Variants in LAIR1 observed in about 807,000 individuals in gnomAD.
LAIR1 encodes the protein leukocyte associated immunoglobulin like receptor 1.
Under a neutral mutation model 32.8 loss-of-function variants are expected in LAIR1, and 24 were observed. That is an observed-to-expected ratio of 0.73 (90% CI 0.53 to 1.03). LAIR1 has a LOEUF of 1.03. LAIR1 is among the 50% of genes least tolerant of loss of function. The probability of loss-of-function intolerance (pLI) is 0.00; values close to 1 mark genes in which losing one functional copy is unlikely to be tolerated. For synonymous variants in LAIR1, 150 were observed against 140.5 expected, an observed-to-expected ratio of 1.07 and a Z score of -0.48; for missense variants, 355 against 347.5, an observed-to-expected ratio of 1.02 and a Z score of -0.17.
intron 2 of LAIR1, among the ~76,000 whole-genome samples, chr19:54,363,737 T>C (rs1485725108): frequency 6.6e-6 from 1 of 152,160 alleles, no homozygotes; most frequent in Non-Finnish European, 1.5e-5. Context: ...ATCTGTGGAA[T>C]CTAAGAAAAG....
chr19:54,372,902 G>A (rs111847639), upstream of LAIR1, among the ~76,000 whole-genome samples: 10,423 of 151,392 alleles, frequency 0.069, 562 homozygotes, highest in Admixed American at 0.079. Flanking sequence ...AGGTCGAGGC[G>A]GATGGATCAC....
chr19:54,373,259 G>T (rs745958942), upstream of LAIR1, among the ~76,000 whole-genome samples: 3 of 151,068 alleles, frequency 2.0e-5, no homozygotes, highest in Admixed American at 6.6e-5. Context: ...TGGCCAACAC[G>T]GTGAAACCCC....
At chr19:54,373,258 C>T (rs541323820), upstream of LAIR1, among the ~76,000 whole-genome samples, 101 of 150,854 alleles carry the variant, frequency 6.7e-4, no homozygotes, top group Admixed American at 3.5e-3. Context: ...CTGGCCAACA[C>T]GGTGAAACCC....
intron 3 of LAIR1, chr19:54,360,663 G>C: frequency 1.8e-6 from 1 of 556,072 alleles, no homozygotes. Flanking sequence ...AGCCAGCTCT[G>C]AGCCCACCAG....
chr19:54,357,441 A>C, intron 4 of LAIR1: 1 of 154,570 alleles, frequency 6.5e-6, no homozygotes, highest in Non-Finnish European at 1.4e-5. Flanking sequence ...AAGAATCCTC[A>C]TGTCTGATTT....
chr19:54,356,424 A>G, intron 6 of LAIR1, 26 bp from the exon 7 acceptor site: 3 of 1,606,984 alleles, frequency 1.9e-6, no homozygotes, highest in Non-Finnish European at 2.5e-6. Flanking sequence ...GTGTGAATTA[A>G]GGAGACCTTC....
chr19:54,370,544 G>C (rs1230211515), exon 1 of LAIR1: 11 of 388,608 alleles, frequency 2.8e-5, no homozygotes, highest in African/African-American at 6.5e-5. Flanking sequence ...ATGTGAAAAA[G>C]CTTCTGCTAT....
At chr19:54,361,653 G>T (rs896520647) in intron 2 of LAIR1, among the ~76,000 whole-genome samples, 5 of 142,608 alleles carry the variant, frequency 3.5e-5, no homozygotes, top group African/African-American at 1.2e-4. Flanking sequence ...GCACTGGCCG[G>T]TCCCCGGGTG....
At position 54,364,764 on chromosome 19, in the gene LAIR1, G is replaced by A; in HGVS notation, c.34+7C>T. 6.2e-7 allele frequency: 1 copy of A among 1,613,332 alleles called. No homozygotes were observed. The highest frequency in any genetic ancestry group is 8.5e-7 in the Non-Finnish European group (1 of 1,179,348). On this transcript the variant is annotated splice_region_variant and intron_variant, in intron 1 of 9. Transcript: ENST00000391742. This position sits in a 1 kb window ranked among gnomAD's most constrained non-coding sequence, Gnocchi z 4.8. ...TTTCCAGCCTCCCGGCTGCCTCCAG[G>A]ACTCACCTAGGCCCAGGAGGGCGGT...
chr19:54,370,653 G>C (rs1418872069), upstream of LAIR1: 3 of 211,888 alleles, frequency 1.4e-5, no homozygotes, highest in Admixed American at 1.2e-4. Context: ...CCAGCCGCAG[G>C]CACGGAAATA....
rs968054643 is a variant in LAIR1 at position 54,355,783 on chromosome 19, C to A, written c.717+171G>T. 6.6e-6 allele frequency among the ~76,000 whole-genome samples: 1 copy of A among 152,154 alleles called. No individual in the cohort carries two copies. The highest frequency in any genetic ancestry group is 1.5e-5 in the Non-Finnish European group (1 of 68,040). Reference sequence around the variant, plus strand: ...TCTTGGACGTGGATCCTCCAGCCCACGGGAGCCTTCGGATGCACACAGCCC... The same window carrying A: ...TCTTGGACGTGGATCCTCCAGCCCAAGGGAGCCTTCGGATGCACACAGCCC... On this transcript the variant is annotated intron_variant, in intron 9 of 9. Transcript: ENST00000391742. The surrounding 1 kb of genome is among the most constrained non-coding windows in gnomAD (Gnocchi z 4.7).
intron 8 of LAIR1, 94 bp from the exon 9 acceptor site, chr19:54,356,100 C>T: frequency 7.7e-7 from 1 of 1,302,706 alleles, no homozygotes; most frequent in Non-Finnish European, 1.1e-6. Context: ...TGACATCCTG[C>T]ACCCAATGTA....
In LAIR1 at chr19:54,355,092, G is replaced by A. The variant is rs532201686; in HGVS notation, c.*176C>T. 3 of 599,732 alleles carry A rather than the reference G, an allele frequency of 5.0e-6. No homozygotes were observed. Among genetic ancestry groups the A allele is most frequent in the East Asian group, 6.0e-5 (2 of 33,578 alleles). The allele number at this position is 599,732 out of a possible 1,614,324, so 37.2% of individuals were successfully genotyped here. A position where few individuals can be genotyped will look rare whatever the true frequency, so the allele number is the denominator to read the frequency against. ...TTGTAGAAGGGACCACCTGGCTAAC[G>A]AACCTTCTGGATGCTGGTTAGAAAC... On this transcript the variant is annotated 3_prime_UTR_variant, in exon 10 of 10. Coordinates refer to ENST00000391742, the MANE Select transcript of LAIR1 (RefSeq NM_002287.6). The surrounding 1 kb of genome is among the most constrained non-coding windows in gnomAD (Gnocchi z 4.7).
At chr19:54,356,079 C>G in intron 8 of LAIR1, 73 bp from the exon 9 acceptor site, 1 of 1,346,456 alleles carries the variant, frequency 7.4e-7, no homozygotes, top group Non-Finnish European at 1.1e-6. Context: ...ACCCCCACCC[C>G]CAGCTTCCGA....
upstream of LAIR1, chr19:54,368,342 T>C (rs974284987): frequency 4.1e-4 from 63 of 152,326 alleles, 1 homozygote; most frequent in African/African-American, 1.4e-3. Flanking sequence ...GAATACTACA[T>C]TTGTTTTGAA....
chr19:54,375,067 C>T (rs2082477520), upstream of LAIR1, among the ~76,000 whole-genome samples: 1 of 152,224 alleles, frequency 6.6e-6, no homozygotes, highest in South Asian at 2.1e-4. Flanking sequence ...CTCAGTACGT[C>T]GCTCAAAATC....
At position 54,361,161 on chromosome 19, in the gene LAIR1, G is replaced by T. The variant is rs2082004226; in HGVS notation, c.119C>A (p.Pro40His). ...CACGAAAGTCACATGGCTCCCCAGG[G>T]GGATCACGGTGCCTGGCTCAGCCGA... ...SISAEPGTVIPLGSHVTFVCR... is the reference protein window; with the variant it reads ...SISAEPGTVIHLGSHVTFVCR... The change falls in exon 3 of 10, where the codon CCC becomes CAC. Residue 40 changes from proline (P) to histidine (H), a missense_variant. Coordinates refer to ENST00000391742, the MANE Select transcript of LAIR1 (RefSeq NM_002287.6). The T allele has an allele frequency of 1.2e-6, 2 of 1,614,066 alleles. No individual in the cohort carries two copies. The highest frequency in any genetic ancestry group is 1.3e-5 in the African/African-American group (1 of 74,926).
At chr19:54,356,989 A>G in intron 4 of LAIR1, 23 bp from the exon 5 acceptor site, 1 of 1,612,274 alleles carries the variant, frequency 6.2e-7, no homozygotes, top group South Asian at 1.1e-5. Flanking sequence ...AATCAGAAGG[A>G]GGAGGAGTTA....
At chr19:54,369,411 C>T (rs755563498), upstream of LAIR1, among the ~76,000 whole-genome samples, 4 of 151,420 alleles carry the variant, frequency 2.6e-5, no homozygotes, top group Admixed American at 6.6e-5. Context: ...AATCGACATC[C>T]GTCTGTTCCT....
Sources: allele counts gnomAD v4.1 joint callset (sites outside exome capture counted in the v4.1 genomes callset), GRCh38; gene constraint gnomAD v4.1.1; non-coding constraint Gnocchi (gnomAD v3.1); transcripts MANE v1.5; gene names NCBI Gene and HGNC (gene_info 2026-07-23, HGNC 2026-07-21).